Variants in CXorf38 observed in about 807,000 individuals in gnomAD.
CXorf38 encodes the protein uncharacterized protein CXorf38.
CXorf38 carries 13 observed loss-of-function variants against 27.5 expected under a neutral mutation model. The ratio of observed to expected loss-of-function variants is 0.47; its 90% CI spans 0.31 to 0.75. The LOEUF (loss-of-function observed/expected upper bound fraction) is 0.75, where lower values mean the gene tolerates loss of function less well. Ranked by LOEUF, CXorf38 falls within the 30% of genes least tolerant of loss-of-function variation. CXorf38 has a pLI of 0.05. For missense variants in CXorf38, 240 were observed against 253.2 expected, an observed-to-expected ratio of 0.95 and a Z score of 0.35; for synonymous variants, 100 against 99.8, an observed-to-expected ratio of 1.00 and a Z score of -0.01.
rs1035750646 is a variant in CXorf38 at position 40,627,904 on chromosome X, A to G, written c.*2260T>C. On this transcript the variant is annotated 3_prime_UTR_variant, in exon 7 of 7. Coordinates refer to ENST00000327877, the MANE Select transcript of CXorf38 (RefSeq NM_144970.3). ...TGGACCCTTGATAAAAGCTTCTTGGATAGATAGGCAGAAACTAACTAGACA... is the reference window on the plus strand; with the variant it reads ...TGGACCCTTGATAAAAGCTTCTTGGGTAGATAGGCAGAAACTAACTAGACA... 2.7e-5 allele frequency: 3 copies of G among 112,248 alleles called. No individual in the cohort carries two copies. The highest frequency in any genetic ancestry group is 1.9e-4 in the Admixed American group (2 of 10,603). The allele number at this position is 112,248 out of a possible 1,213,427, so 9.3% of individuals were successfully genotyped here.
intron 2 of CXorf38, among the ~76,000 whole-genome samples, chrX:40,643,512 T>C (rs1188715287): frequency 9.1e-6 from 1 of 110,490 alleles, no homozygotes; most frequent in East Asian, 2.8e-4. Flanking sequence ...TTTTCTTTCT[T>C]TTCTTTTTTT....
intron 2 of CXorf38, chrX:40,640,178 A>C: frequency 3.2e-6 from 1 of 315,692 alleles, no homozygotes; most frequent in African/African-American, 2.7e-5. Context: ...TTAAAAAAAA[A>C]AATTAGCCAT....
At chrX:40,632,767 G>A (rs944316986) in intron 5 of CXorf38, among the ~76,000 whole-genome samples, 4 of 111,687 alleles carry the variant, frequency 3.6e-5, no homozygotes, top group African/African-American at 1.3e-4. Flanking sequence ...CTTTGGCCAA[G>A]ACATCTGACC....
intron 2 of CXorf38, 139 bp downstream of exon 2, chrX:40,646,868 C>T: frequency 1.2e-5 from 9 of 735,371 alleles, no homozygotes; most frequent in Non-Finnish European, 1.5e-5. Context: ...CGCATACCAC[C>T]CCTGAACCGC....
At chrX:40,632,026 A>G (rs774010986) in intron 5 of CXorf38, among the ~76,000 whole-genome samples, 2 of 111,941 alleles carry the variant, frequency 1.8e-5, no homozygotes, top group East Asian at 5.6e-4. Flanking sequence ...TTAAATAATA[A>G]ATCTGGAAAC....
In CXorf38 at chrX:40,647,155, C is replaced by T. The variant is rs747485157; in HGVS notation, c.217-14G>A. The stretch of plus-strand genomic sequence containing the variant: ...CTGAGGCTGAAACTACAGGGGGCGG[C>T]GGTGAGGAGGGGCCCAGGAGGGAGG... On this transcript the variant is annotated splice_polypyrimidine_tract_variant and intron_variant, in intron 1 of 6. Transcript: ENST00000327877. 16 of 1,201,888 alleles carry T rather than the reference C, an allele frequency of 1.3e-5. No individual in the cohort carries two copies. The African/African-American group carries it at 2.1e-4, about 16-fold the overall frequency.
intron 2 of CXorf38, among the ~76,000 whole-genome samples, chrX:40,643,672 C>A (rs756827990): frequency 9.0e-6 from 1 of 110,926 alleles, no homozygotes; most frequent in Non-Finnish European, 1.9e-5. Flanking sequence ...CCATGCCTGG[C>A]TAATTTTTTG....
At chrX:40,641,330 A>C (rs1258648168) in intron 2 of CXorf38, among the ~76,000 whole-genome samples, 1 of 112,107 alleles carries the variant, frequency 8.9e-6, no homozygotes, top group East Asian at 2.8e-4. Context: ...TTCCATTATA[A>C]GGTAGGTCCT....
intron 4 of CXorf38, 107 bp from the exon 5 acceptor site, chrX:40,636,819 T>C (rs185940368): frequency 6.1e-6 from 5 of 813,724 alleles, no homozygotes; most frequent in Non-Finnish European, 8.6e-6. Flanking sequence ...TCCATATTAA[T>C]AGTGCACTGT....
intron 2 of CXorf38, among the ~76,000 whole-genome samples, chrX:40,644,819 T>A (rs1928501282): frequency 9.0e-6 from 1 of 111,457 alleles, no homozygotes; most frequent in African/African-American, 3.3e-5. Context: ...GGAGCAGGGA[T>A]TTGCCAGGGA....
rs1336445969 is a variant in CXorf38 at position 40,627,335 on chromosome X, C to T, written c.*2829G>A. ...CCTGCCGAGTAGCTGGGATTACAGG[C>T]ACGCGCCACCACGCCCAGCTAATTT... is the stretch of plus-strand genomic sequence containing the variant. On this transcript the variant is annotated 3_prime_UTR_variant, in exon 7 of 7. Coordinates refer to ENST00000327877, the MANE Select transcript of CXorf38 (RefSeq NM_144970.3). 2 of 111,258 alleles carry T rather than the reference C, an allele frequency of 1.8e-5. No individual in the cohort carries two copies. Among genetic ancestry groups the T allele is most frequent in the African/African-American group, 6.6e-5 (2 of 30,475 alleles). 9.2% of individuals were successfully genotyped at this position (111,258 alleles called of 1,213,427 possible).
intron 5 of CXorf38, among the ~76,000 whole-genome samples, chrX:40,633,869 G>A (rs1475771795): frequency 9.0e-6 from 1 of 111,246 alleles, no homozygotes; most frequent in Non-Finnish European, 1.9e-5. Context: ...TCCTAACAGA[G>A]CAATGAGGGC....
intron 2 of CXorf38, among the ~76,000 whole-genome samples, chrX:40,641,864 C>T (rs1182438046): frequency 8.9e-6 from 1 of 112,104 alleles, no homozygotes. Flanking sequence ...TCTCTCTATC[C>T]TCCACTGTCT....
chrX:40,638,268 T>A (rs1191202000), intron 3 of CXorf38, among the ~76,000 whole-genome samples: 1 of 112,342 alleles, frequency 8.9e-6, no homozygotes, highest in African/African-American at 3.2e-5. Flanking sequence ...AGGGGTCAAC[T>A]ACTATGACAG....
chrX:40,638,235 A>G (rs1412820591), intron 3 of CXorf38, among the ~76,000 whole-genome samples: 2 of 112,240 alleles, frequency 1.8e-5, no homozygotes, highest in Non-Finnish European at 3.8e-5. Context: ...AGAGTCTTCC[A>G]CAGTTTGGTT....
At chrX:40,632,130 G>T (rs950027812) in intron 5 of CXorf38, among the ~76,000 whole-genome samples, 2 of 111,864 alleles carry the variant, frequency 1.8e-5, no homozygotes, top group African/African-American at 6.5e-5. Context: ...CAGTGACCGT[G>T]CCCGGTGCCC....
chrX:40,638,656 A>C (rs759517386), intron 3 of CXorf38, among the ~76,000 whole-genome samples: 3 of 111,721 alleles, frequency 2.7e-5, no homozygotes, highest in Non-Finnish European at 3.8e-5. Flanking sequence ...TAATAAGGAA[A>C]ATTACTTTGG....
In CXorf38 at chrX:40,647,551, G is replaced by C; in HGVS notation, c.-31C>G. 1.7e-6 allele frequency: 2 copies of C among 1,171,568 alleles called. No individual in the cohort carries two copies. The highest frequency in any genetic ancestry group is 2.3e-6 in the Non-Finnish European group (2 of 882,292). On this transcript the variant is annotated 5_prime_UTR_variant, in exon 1 of 7. Coordinates refer to ENST00000327877, the MANE Select transcript of CXorf38 (RefSeq NM_144970.3). ...CCACTTGGAACCAGGAGGTTGCGGG[G>C]CGTGGCGGACGGCAGTGCGCAGGCG...
chrX:40,630,582 C>T (rs370963605), intron 6 of CXorf38, 32 bp downstream of exon 6: 85 of 1,177,531 alleles, frequency 7.2e-5, no homozygotes, highest in Non-Finnish European at 8.9e-5. Context: ...TGATTCTGTC[C>T]TTCTTTAACA....
Sources: gnomAD v4.1 joint callset for allele counts (sites outside exome capture counted in the v4.1 genomes callset) on GRCh38, gnomAD v4.1.1 for gene constraint, MANE v1.5 for transcripts, NCBI Gene and HGNC (gene_info 2026-07-23, HGNC 2026-07-21) for gene names.